Variants in DLGAP2 observed in about 807,000 individuals in gnomAD.
DLGAP2 encodes the protein disks large-associated protein 2.
DLGAP2 carries 26 observed loss-of-function variants against 100.3 expected under a neutral mutation model. The ratio of observed to expected loss-of-function variants is 0.26; its 90% CI spans 0.19 to 0.36. The LOEUF (loss-of-function observed/expected upper bound fraction) is 0.36, where lower values mean the gene tolerates loss of function less well. Ranked by LOEUF, DLGAP2 falls within the 10% of genes least tolerant of loss-of-function variation. The probability of loss-of-function intolerance (pLI) is 1.00; values close to 1 mark genes in which losing one functional copy is unlikely to be tolerated. For missense variants in DLGAP2, 1,858 were observed against 1,453.2 expected, an observed-to-expected ratio of 1.28 and a Z score of -4.53; for synonymous variants, 886 against 630.1, an observed-to-expected ratio of 1.41 and a Z score of -6.08.
intron 4 of DLGAP2, among the ~76,000 whole-genome samples, chr8:1,546,592 G>A (rs987777805): frequency 1.3e-5 from 2 of 151,742 alleles, no homozygotes; most frequent in African/African-American, 4.8e-5. Context: ...TGTTGTTGTT[G>A]TTTGTTTGTT....
At chr8:1,155,241 T>C (rs1201692092) in intron 2 of DLGAP2, among the ~76,000 whole-genome samples, 1 of 152,202 alleles carries the variant, frequency 6.6e-6, no homozygotes, top group Non-Finnish European at 1.5e-5. Flanking sequence ...GATGCGTGAA[T>C]GACTTGTCGC....
chr8:1,263,355 G>A (rs184093406), intron 3 of DLGAP2, among the ~76,000 whole-genome samples: 6 of 152,042 alleles, frequency 3.9e-5, no homozygotes, highest in Admixed American at 3.3e-4. Flanking sequence ...TTTTACTTTG[G>A]TTATTGGAAA....
chr8:1,311,715 A>AC lies in DLGAP2; in HGVS notation c.106+52833dup, dbSNP rs398112101. Among the ~76,000 whole-genome samples, 6 of 151,654 alleles carry AC rather than the reference A, an allele frequency of 4.0e-5. No homozygotes were observed. In the South Asian group the frequency reaches 1.1e-3, roughly 27 times the overall value. ...TAACTGTTCATGATAAAAAAAAAAA[A>AC]CTCTTATAAAATTAGAAGTAGAAGG... On this transcript the variant is annotated intron_variant, in intron 3 of 14. Transcript: ENST00000637795.
At chr8:1,572,353 A>C (rs544028622) in intron 6 of DLGAP2, among the ~76,000 whole-genome samples, 2 of 88,148 alleles carry the variant, frequency 2.3e-5, no homozygotes, top group South Asian at 9.5e-4. Context: ...TCTGGGATGG[A>C]GAGGAGAGAG....
chr8:1,068,349 C>T (rs1563174429), intron 2 of DLGAP2, among the ~76,000 whole-genome samples: 1 of 152,210 alleles, frequency 6.6e-6, no homozygotes, highest in South Asian at 2.1e-4. Context: ...GTATGACAAG[C>T]ATGTGCTTAG....
intron 1 of DLGAP2, among the ~76,000 whole-genome samples, chr8:883,803 G>T (rs1297203857): frequency 6.6e-6 from 1 of 152,100 alleles, no homozygotes; most frequent in Non-Finnish European, 1.5e-5. Flanking sequence ...TCCCTAACTC[G>T]CAACAGGCCC....
intron 2 of DLGAP2, among the ~76,000 whole-genome samples, chr8:1,074,938 G>T (rs1394007413): frequency 1.3e-5 from 2 of 151,966 alleles, no homozygotes; most frequent in Non-Finnish European, 2.9e-5. Context: ...GTTGGCAGGG[G>T]TGCAGCACAT....
chr8:1,033,705 G>T (rs1233383020), intron 2 of DLGAP2, among the ~76,000 whole-genome samples: 1 of 146,192 alleles, frequency 6.8e-6, no homozygotes, highest in Non-Finnish European at 1.5e-5. Context: ...GGATTCACAC[G>T]CTCATCCCGA....
At chr8:891,010 T>C (rs1798023264) in intron 1 of DLGAP2, among the ~76,000 whole-genome samples, 1 of 152,088 alleles carries the variant, frequency 6.6e-6, no homozygotes, top group Non-Finnish European at 1.5e-5. Flanking sequence ...TGCAGGGCTG[T>C]GTCCCTGATT....
chr8:1,343,864 T>C (rs1232481457), intron 3 of DLGAP2, among the ~76,000 whole-genome samples: 1 of 151,634 alleles, frequency 6.6e-6, no homozygotes, highest in Non-Finnish European at 1.5e-5. Context: ...TTCCAGGGAG[T>C]AGGGGGAGCT....
rs550028521 is a variant in DLGAP2 at position 1,178,015 on chromosome 8, T to C, written c.74-80836T>C. Among the ~76,000 whole-genome samples, 18 of 152,248 alleles carry C rather than the reference T, an allele frequency of 1.2e-4. No homozygotes were observed. In the South Asian group the frequency reaches 3.7e-3, roughly 32 times the overall value. On this transcript the variant is annotated intron_variant, in intron 2 of 14. Coordinates refer to ENST00000637795, the MANE Select transcript of DLGAP2 (RefSeq NM_001346810.2). Reference sequence around the variant, plus strand: ...GGGCTGTGGCCGTGGCCAGTGGTGGTGAAGGGATTCGGCCATGGCCAGTGG... The same window carrying C: ...GGGCTGTGGCCGTGGCCAGTGGTGGCGAAGGGATTCGGCCATGGCCAGTGG...
intron 3 of DLGAP2, among the ~76,000 whole-genome samples, chr8:1,378,449 C>T (rs972974452): frequency 1.3e-5 from 2 of 151,852 alleles, no homozygotes; most frequent in Admixed American, 6.6e-5. Flanking sequence ...CCTGTCCATC[C>T]TGCGCACACC....
chr8:1,677,502 G>A (rs1798837623), intron 11 of DLGAP2, among the ~76,000 whole-genome samples: 1 of 152,044 alleles, frequency 6.6e-6, no homozygotes, highest in Admixed American at 6.6e-5. Context: ...GCAGTAGCTG[G>A]GACTATGTAG....
chr8:955,212 G>A (rs1195679548), intron 2 of DLGAP2, among the ~76,000 whole-genome samples: 2 of 152,046 alleles, frequency 1.3e-5, no homozygotes, highest in African/African-American at 2.4e-5. Context: ...CGAAGACTGC[G>A]AGCCTGTCTC....
intron 3 of DLGAP2, among the ~76,000 whole-genome samples, chr8:1,463,057 G>A (rs996996866): frequency 2.0e-5 from 3 of 152,020 alleles, no homozygotes; most frequent in African/African-American, 7.2e-5. Flanking sequence ...AAGACCAGCT[G>A]GGCCAAAATG....
At chr8:1,157,400 T>G (rs890989899) in intron 2 of DLGAP2, among the ~76,000 whole-genome samples, 1 of 152,202 alleles carries the variant, frequency 6.6e-6, no homozygotes, top group African/African-American at 2.4e-5. Flanking sequence ...TAAGAGTACA[T>G]GCTAGGAATG....
chr8:1,410,311 C>T (rs138019179), intron 3 of DLGAP2, among the ~76,000 whole-genome samples: 1 of 152,344 alleles, frequency 6.6e-6, no homozygotes, highest in Non-Finnish European at 1.5e-5. Flanking sequence ...CATTCACGGG[C>T]ATGGCTTCAC....
At chr8:1,437,173 T>C (rs1315003138) in intron 3 of DLGAP2, among the ~76,000 whole-genome samples, 9 of 134,560 alleles carry the variant, frequency 6.7e-5, no homozygotes, top group African/African-American at 8.6e-5. Context: ...CGCGTAAGGG[T>C]GACGCCATCC....
chr8:1,626,304 T>C (rs112067232), intron 6 of DLGAP2, among the ~76,000 whole-genome samples: 1,167 of 61,666 alleles, frequency 0.019, 2 homozygotes, highest in Middle Eastern at 0.071. Context: ...TGCCCTGTGG[T>C]GGGTGCTCAG....
Sources: allele counts gnomAD v4.1 joint callset (sites outside exome capture counted in the v4.1 genomes callset), GRCh38; gene constraint gnomAD v4.1.1; transcripts MANE v1.5; gene names NCBI Gene and HGNC (gene_info 2026-07-23, HGNC 2026-07-21).